Variants in CFAP161 observed in about 807,000 individuals in gnomAD.
CFAP161 encodes the protein cilia and flagella associated protein 161.
A neutral mutation model predicts 29.0 loss-of-function variants in CFAP161; 25 were observed. The ratio of observed to expected loss-of-function variants is 0.86; its 90% confidence interval spans 0.63 to 1.20. The LOEUF is 1.20. CFAP161 is among the 50% of genes most tolerant of loss of function. The pLI is 0.00. For synonymous variants in CFAP161, 116 were observed against 137.4 expected (o/e 0.84, Z 1.09); for missense variants, 367 against 371.9 (o/e 0.99, Z 0.11).
chr15:81,104,971 G>A (rs996987963), intron 1 of CFAP161, among the ~76,000 whole-genome samples: 1 of 152,114 alleles, frequency 6.6e-6, no homozygotes, highest in African/African-American at 2.4e-5. Context: ...GGCAGGGTTG[G>A]TTCCTTCCGG....
intron 1 of CFAP161, among the ~76,000 whole-genome samples, chr15:81,123,178 C>A (rs984871813): frequency 6.6e-6 from 1 of 152,170 alleles, no homozygotes. Flanking sequence ...TTAGGTTTTA[C>A]ATTTAAGTCT....
intron 1 of CFAP161, among the ~76,000 whole-genome samples, chr15:81,103,783 C>T (rs913865341): frequency 6.6e-6 from 1 of 152,190 alleles, no homozygotes; most frequent in African/African-American, 2.4e-5. Context: ...TCTGAACTTG[C>T]AACTGGTATC....
intron 4 of CFAP161, among the ~76,000 whole-genome samples, chr15:81,141,477 A>G (rs1160177630): frequency 6.6e-6 from 1 of 152,190 alleles, no homozygotes; most frequent in African/African-American, 2.4e-5. Context: ...CTGGGAAGAC[A>G]GTCATTTAAT....
At chr15:81,106,615 G>A (rs1005813619) in intron 1 of CFAP161, among the ~76,000 whole-genome samples, 7 of 152,226 alleles carry the variant, frequency 4.6e-5, no homozygotes, top group African/African-American at 1.7e-4. Context: ...TGCTGTCACT[G>A]CATCATTTTT....
chr15:81,121,552 T>TAC (rs1407250112), intron 1 of CFAP161, among the ~76,000 whole-genome samples: 4 of 151,234 alleles, frequency 2.6e-5, no homozygotes, highest in Admixed American at 6.6e-5. Flanking sequence ...AATACAAAGT[T>TAC]ATATATATAT....
intron 1 of CFAP161, among the ~76,000 whole-genome samples, chr15:81,103,527 G>A (rs890941742): frequency 2.6e-5 from 4 of 152,152 alleles, no homozygotes; most frequent in African/African-American, 9.7e-5. Flanking sequence ...GGGAGCTTAT[G>A]AATAGAATAG....
In CFAP161 at chr15:81,099,746, G is replaced by C. The variant is rs1894280967; in HGVS notation, c.-141-27844G>C. On this transcript the variant is annotated intron_variant, in intron 1 of 4. Coordinates refer to the CFAP161 transcript ENST00000560091. ...GTCCCATCCCTTTTTTATAGATGAG[G>C]AAACTGCAGGTTAGAGAGGCTAAAT... is the stretch of plus-strand genomic sequence containing the variant. Among the ~76,000 whole-genome samples the C allele has an allele frequency of 2.0e-5, 3 of 152,206 alleles. 1 individual carries two copies. The South Asian group carries it at 6.2e-4, about 32-fold the overall frequency.
intron 1 of CFAP161, among the ~76,000 whole-genome samples, chr15:81,119,122 C>G (rs1418965801): frequency 6.6e-6 from 1 of 152,140 alleles, no homozygotes; most frequent in Admixed American, 6.6e-5. Context: ...TACCAGATAT[C>G]TGTTGTTAGA....
intron 4 of CFAP161, 54 bp from the exon 5 acceptor site, chr15:81,143,608 C>A: frequency 6.4e-7 from 1 of 1,555,358 alleles, no homozygotes; most frequent in South Asian, 1.2e-5. Context: ...CTTCTTTATT[C>A]TCCAGCTTTT....
At chr15:81,148,293 G>A (rs373795342) in intron 6 of CFAP161, 45 bp from the exon 7 acceptor site, 4 of 1,530,590 alleles carry the variant, frequency 2.6e-6, no homozygotes, top group South Asian at 2.3e-5. Flanking sequence ...CTTATTGAGA[G>A]TTGTTATTCA....
upstream of CFAP161, among the ~76,000 whole-genome samples, chr15:81,133,176 CAT>C (rs141326043): frequency 0.028 from 1,722 of 60,632 alleles, 17 homozygotes; most frequent in African/African-American, 0.042. Context: ...CCTTCATCAG[CAT>C]ATATATATAT....
At chr15:81,132,674 G>A, upstream of CFAP161, among the ~76,000 whole-genome samples, 1 of 152,318 alleles carries the variant, frequency 6.6e-6, no homozygotes, top group Non-Finnish European at 1.5e-5. Context: ...ATCAGTGTAA[G>A]GACTTACTGA....
At chr15:81,103,018 T>C (rs1894320602) in intron 1 of CFAP161, among the ~76,000 whole-genome samples, 1 of 152,140 alleles carries the variant, frequency 6.6e-6, no homozygotes, top group Non-Finnish European at 1.5e-5. Flanking sequence ...CCAAATATCT[T>C]AGCCTCACTG....
chr15:81,106,021 C>A (rs1365777632), intron 1 of CFAP161, among the ~76,000 whole-genome samples: 4 of 152,206 alleles, frequency 2.6e-5, no homozygotes, highest in South Asian at 2.1e-4. Context: ...TTGCTCATTG[C>A]TAAGAAAAAT....
At chr15:81,109,129 A>C (rs905675569) in intron 1 of CFAP161, among the ~76,000 whole-genome samples, 2 of 152,046 alleles carry the variant, frequency 1.3e-5, no homozygotes, top group African/African-American at 4.8e-5. Flanking sequence ...TTCTCAAAAC[A>C]CTCTTATAAT....
At chr15:81,122,808 A>G (rs1455681128) in intron 1 of CFAP161, among the ~76,000 whole-genome samples, 3 of 151,870 alleles carry the variant, frequency 2.0e-5, no homozygotes, top group Admixed American at 2.0e-4. Context: ...GATTTTTTTC[A>G]TATGATTGTT....
At chr15:81,117,480 G>A (rs1401823363) in intron 1 of CFAP161, among the ~76,000 whole-genome samples, 3 of 151,170 alleles carry the variant, frequency 2.0e-5, no homozygotes, top group African/African-American at 7.3e-5. Flanking sequence ...AAGGCAGAAT[G>A]TCACAGAACC....
chr15:81,134,509 C>T, intron 1 of CFAP161, 111 bp downstream of exon 1: 1 of 1,040,294 alleles, frequency 9.6e-7, no homozygotes, highest in Non-Finnish European at 1.4e-6. Flanking sequence ...TCCCAGCATA[C>T]AGCGAATACC....
rs148645161 is a variant in CFAP161, at chr15:81,148,567, G to T, written c.*34G>T. On this transcript the variant is annotated 3_prime_UTR_variant, in exon 7 of 7. Transcript: ENST00000286732. ...GCACGTGCATGTTTTCCCTGGTCCC[G>T]CTCTCATCAAATGTAGCTTTAAAAG... 2.5e-5 allele frequency: 40 copies of T among 1,568,750 alleles called. No individual in the cohort carries two copies. Among genetic ancestry groups the T allele is most frequent in the Non-Finnish European group, 3.4e-5 (39 of 1,150,190 alleles).
Sources: gnomAD v4.1 joint callset for allele counts (sites outside exome capture counted in the v4.1 genomes callset) on GRCh38, gnomAD v4.1.1 for gene constraint, MANE v1.5 for transcripts, NCBI Gene and HGNC (gene_info 2026-07-23, HGNC 2026-07-21) for gene names.